The following DPP10 variants were observed in gnomAD, a reference collection of about 807,000 sequenced individuals.
DPP10 encodes inactive dipeptidyl peptidase 10.
A neutral mutation model predicts 120.9 loss-of-function variants in DPP10; 33 were observed. The observed-to-expected ratio is 0.27, with a 90% confidence interval of 0.21 to 0.37. The LOEUF (loss-of-function observed/expected upper bound fraction) is 0.37. Ranked by LOEUF, DPP10 falls within the 10% of genes least tolerant of loss-of-function variation. The probability of loss-of-function intolerance (pLI) is 1.00; values close to 1 mark genes in which losing one functional copy is unlikely to be tolerated. For synonymous variants in DPP10, 337 were observed against 326.1 expected (o/e 1.03, Z -0.36); for missense variants, 816 against 942.8 (o/e 0.87, Z 1.76).
intron 1 of DPP10, among the ~76,000 whole-genome samples, chr2:114,518,055 A>T: frequency 6.9e-6 from 1 of 145,842 alleles, no homozygotes. Flanking sequence ...AATCAGGACT[A>T]GTATGAGCTA....
chr2:115,636,226 A>G (rs2086321606), intron 5 of DPP10, among the ~76,000 whole-genome samples: 1 of 152,156 alleles, frequency 6.6e-6, no homozygotes, highest in African/African-American at 2.4e-5. Context: ...CAAAAAGTTA[A>G]TACTTTAATA....
chr2:115,228,890 A>G (rs1022034369), intron 1 of DPP10, among the ~76,000 whole-genome samples: 1 of 152,088 alleles, frequency 6.6e-6, no homozygotes, highest in Non-Finnish European at 1.5e-5. Flanking sequence ...TTGGGTGTAT[A>G]CTTGGTGGTG....
rs13431194 is a variant in DPP10 at position 114,513,724 on chromosome 2, G to A, written c.60+70886G>A. Among the ~76,000 whole-genome samples, 817 of 152,176 alleles carry A rather than the reference G, an allele frequency of 5.4e-3. 5 individuals are homozygous for A. Among genetic ancestry groups the A allele is most frequent in the African/African-American group, 0.018 (765 of 41,524 alleles). ...AGATGACTAGCTAAGACCTTTTCTC[G>A]TGTCTGTATTTGGGGAAGAGAAGGC... On this transcript the variant is annotated intron_variant, in intron 1 of 25. Transcript: ENST00000410059.
At chr2:114,869,687 G>A (rs1374116502) in intron 1 of DPP10, among the ~76,000 whole-genome samples, 1 of 152,160 alleles carries the variant, frequency 6.6e-6, no homozygotes, top group African/African-American at 2.4e-5. Context: ...CCCTATCTCA[G>A]GGCATTGCAT....
chr2:114,594,369 CAT>C (rs145248542), intron 1 of DPP10, among the ~76,000 whole-genome samples: 88 of 147,710 alleles, frequency 6.0e-4, no homozygotes, highest in East Asian at 2.4e-3. Flanking sequence ...CTCCCTTTTA[CAT>C]ATATATATAT....
intron 1 of DPP10, among the ~76,000 whole-genome samples, chr2:115,227,615 T>C (rs1288244483): frequency 6.6e-6 from 1 of 152,130 alleles, no homozygotes; most frequent in East Asian, 1.9e-4. Context: ...AATATGTTTT[T>C]TGTTCAGATA....
At chr2:115,442,543 A>G (rs2072177098) in intron 3 of DPP10, among the ~76,000 whole-genome samples, 1 of 152,172 alleles carries the variant, frequency 6.6e-6, no homozygotes, top group African/African-American at 2.4e-5. Context: ...GAAGATCAAA[A>G]TAGTGCTTTC....
chr2:114,828,994 A>G (rs1164913968), intron 1 of DPP10: 3 of 152,292 alleles, frequency 2.0e-5, no homozygotes, highest in Non-Finnish European at 4.4e-5. Flanking sequence ...CTATAAAAAT[A>G]GTCTAGTTAC....
Position 114,677,092 on chromosome 2 carries a change from T to A in DPP10, c.60+234254T>A, listed in dbSNP as rs1698721848. 2.0e-5 allele frequency among the ~76,000 whole-genome samples: 3 copies of A among 152,096 alleles called. No individual in the cohort carries two copies. The South Asian group carries it at 6.2e-4, about 32-fold the overall frequency. On this transcript the variant is annotated intron_variant, in intron 1 of 25. Coordinates refer to ENST00000410059, the MANE Select transcript of DPP10 (RefSeq NM_020868.6). Reference sequence around the variant, plus strand: ...TAATCTTAGCTACTAAGCAATGTTATCCTCCCCGGCTCATCAGCTTCCTAC... The same window carrying A: ...TAATCTTAGCTACTAAGCAATGTTAACCTCCCCGGCTCATCAGCTTCCTAC...
At chr2:114,704,005 G>A (rs995128635) in intron 1 of DPP10, among the ~76,000 whole-genome samples, 17 of 152,116 alleles carry the variant, frequency 1.1e-4, no homozygotes, top group African/African-American at 4.1e-4. Context: ...GAGCCGGGCT[G>A]TACCACATGC....
At chr2:114,789,083 C>G (rs1016205857) in intron 1 of DPP10, among the ~76,000 whole-genome samples, 7 of 152,170 alleles carry the variant, frequency 4.6e-5, no homozygotes, top group African/African-American at 1.7e-4. Flanking sequence ...TCACCAGGCT[C>G]TTGTCTAAAT....
At chr2:115,273,503 AT>A (rs1418015290) in intron 1 of DPP10, among the ~76,000 whole-genome samples, 3 of 151,912 alleles carry the variant, frequency 2.0e-5, no homozygotes, top group Non-Finnish European at 4.4e-5. Flanking sequence ...TGCCTGGCTA[AT>A]TTTTTGTATT....
At chr2:114,997,440 C>T (rs1701163458) in intron 1 of DPP10, among the ~76,000 whole-genome samples, 1 of 149,694 alleles carries the variant, frequency 6.7e-6, no homozygotes, top group Non-Finnish European at 1.5e-5. Flanking sequence ...TGCAGTAAGC[C>T]GAGACTGTGC....
At chr2:114,793,906 C>T (rs1435135703) in intron 1 of DPP10, among the ~76,000 whole-genome samples, 5 of 152,010 alleles carry the variant, frequency 3.3e-5, no homozygotes, top group South Asian at 4.2e-4. Context: ...TTTCATCTTC[C>T]CAGTAAGTAG....
chr2:115,566,604 A>C (rs920208017), intron 5 of DPP10, among the ~76,000 whole-genome samples: 1 of 152,172 alleles, frequency 6.6e-6, no homozygotes, highest in Admixed American at 6.5e-5. Context: ...CATTCTAGGA[A>C]CATTGTCTTA....
chr2:115,807,569 C>T (rs1686140609), intron 19 of DPP10, among the ~76,000 whole-genome samples: 1 of 152,120 alleles, frequency 6.6e-6, no homozygotes, highest in Non-Finnish European at 1.5e-5. Flanking sequence ...GCTAAGGAGA[C>T]AATCTCTGGC....
intron 5 of DPP10, among the ~76,000 whole-genome samples, chr2:115,674,746 A>G (rs2090141741): frequency 6.6e-6 from 1 of 152,320 alleles, no homozygotes; most frequent in African/African-American, 2.4e-5. Context: ...TTTGAGTTTC[A>G]TGCTATGAGG....
intron 1 of DPP10, among the ~76,000 whole-genome samples, chr2:115,227,740 A>G (rs1282866257): frequency 6.6e-6 from 1 of 152,110 alleles, no homozygotes; most frequent in Non-Finnish European, 1.5e-5. Flanking sequence ...TGGTGTGTGT[A>G]TCAGTCTCTG....
At chr2:115,829,627 G>C (rs1249041848) in intron 21 of DPP10, among the ~76,000 whole-genome samples, 1 of 152,024 alleles carries the variant, frequency 6.6e-6, no homozygotes, top group Non-Finnish European at 1.5e-5. Context: ...TTTCATCTGA[G>C]TCAGACAATA....
Sources: gnomAD v4.1 joint callset for allele counts (sites outside exome capture counted in the v4.1 genomes callset) on GRCh38, gnomAD v4.1.1 for gene constraint, MANE v1.5 for transcripts, NCBI Gene and HGNC (gene_info 2026-07-23, HGNC 2026-07-21) for gene names.